Variants in TMPO observed in about 807,000 individuals in gnomAD.
TMPO encodes LEM domain containing 4.
TMPO carries 22 observed loss-of-function variants against 45.4 expected under a neutral mutation model. That is an observed-to-expected ratio of 0.48 (90% CI 0.35 to 0.69). The LOEUF (loss-of-function observed/expected upper bound fraction) is 0.69, where lower values mean the gene tolerates loss of function less well. Ranked by LOEUF, TMPO falls within the 30% of genes least tolerant of loss-of-function variation. The probability of loss-of-function intolerance (pLI) is 0.01; values close to 1 mark genes in which losing one functional copy is unlikely to be tolerated. For synonymous variants in TMPO, 241 were observed against 204.1 expected (o/e 1.18, Z -1.54); for missense variants, 512 against 548.8 (o/e 0.93, Z 0.67).
In TMPO at chr12:98,544,450, T is replaced by C. The variant is rs568093425; in HGVS notation, c.792T>C (p.Thr264=). Residue 264 remains threonine, a synonymous_variant, in exon 6 of 9, where the codon ACT becomes ACC. Transcript: ENST00000556029. ...TGTTTTCAAACTAACAGGTGGAAAC[T>C]TCAGAACATTTTCGTATAGATGGTC... The part of the protein sequence containing the change: ...SRRTPRKRVE[T]SEHFRIDGPV... The C allele has an allele frequency of 3.0e-5, 49 of 1,613,898 alleles. 2 individuals carry two copies. In the South Asian group the frequency reaches 5.3e-4, roughly 17 times the overall value.
At chr12:98,528,586 G>A (rs367631273) in intron 2 of TMPO, among the ~76,000 whole-genome samples, 3 of 151,602 alleles carry the variant, frequency 2.0e-5, no homozygotes, top group African/African-American at 4.8e-5. Flanking sequence ...CACTTATATC[G>A]TACTTCTGCT....
intron 4 of TMPO, among the ~76,000 whole-genome samples, chr12:98,540,440 G>A (rs1432218041): frequency 1.3e-5 from 2 of 152,192 alleles, no homozygotes; most frequent in Non-Finnish European, 2.9e-5. Context: ...CAAGGTTGGT[G>A]TGATCTCAGC....
intron 8 of TMPO, among the ~76,000 whole-genome samples, chr12:98,547,365 A>G (rs1351852524): frequency 6.6e-6 from 1 of 152,182 alleles, no homozygotes; most frequent in Admixed American, 6.5e-5. Flanking sequence ...GCGAGCCACC[A>G]TGCCCAGCCC....
chr12:98,524,325 G>T (rs1290992049), intron 1 of TMPO, among the ~76,000 whole-genome samples: 3 of 152,178 alleles, frequency 2.0e-5, no homozygotes, highest in Admixed American at 6.5e-5. Context: ...TGTAATCCCA[G>T]CACTTTGGAA....
At chr12:98,525,310 A>AT (rs1267686482) in intron 1 of TMPO, among the ~76,000 whole-genome samples, 3 of 152,210 alleles carry the variant, frequency 2.0e-5, no homozygotes, top group African/African-American at 7.2e-5. Flanking sequence ...ACAGCCGTCT[A>AT]TTTAAGATTT....
At chr12:98,539,127 G>T (rs1877748917) in intron 4 of TMPO, among the ~76,000 whole-genome samples, 1 of 152,068 alleles carries the variant, frequency 6.6e-6, no homozygotes, top group Non-Finnish European at 1.5e-5. Flanking sequence ...TTGAACCTTG[G>T]AGGCGGAGGT....
At chr12:98,531,384 G>GT (rs1240178083) in intron 2 of TMPO, among the ~76,000 whole-genome samples, 1 of 151,672 alleles carries the variant, frequency 6.6e-6, no homozygotes, top group Non-Finnish European at 1.5e-5. Flanking sequence ...TCACAGGCGT[G>GT]TGCCACCATG....
intron 8 of TMPO, 116 bp downstream of exon 8, chr12:98,546,563 C>T (rs953110429): frequency 2.4e-5 from 20 of 827,926 alleles, no homozygotes; most frequent in Non-Finnish European, 3.7e-5. Flanking sequence ...TTTTTGGAGC[C>T]AGGTACAATG....
chr12:98,535,123 T>G (rs376889618), intron 3 of TMPO: 15 of 984,874 alleles, frequency 1.5e-5, no homozygotes, highest in East Asian at 2.3e-4. Context: ...GAGAAACACT[T>G]CTTTGGATAA....
At chr12:98,543,961 A>C (rs560507892) in intron 4 of TMPO, among the ~76,000 whole-genome samples, 1 of 152,332 alleles carries the variant, frequency 6.6e-6, no homozygotes, top group East Asian at 1.9e-4. Flanking sequence ...AACTGGTGAT[A>C]GTTGATGTGC....
chr12:98,531,713 T>G lies in TMPO; in HGVS notation c.440T>G (p.Leu147Trp), dbSNP rs1877204752. 1.2e-6 allele frequency: 2 copies of G among 1,613,142 alleles called. No homozygotes were observed. The highest frequency in any genetic ancestry group is 4.5e-5 in the East Asian group (2 of 44,812). Residue 147 changes from leucine to tryptophan, a missense_variant, in exon 3 of 9, where the codon TTG becomes TGG. Coordinates refer to ENST00000556029, the MANE Select transcript of TMPO (RefSeq NM_001032283.3). ...TTRKLYEKKL[L>W]KLREQGTESR... is the part of the protein sequence containing the mutation. Reference sequence around the variant, plus strand: ...AGGAAGCTATATGAGAAAAAGCTTTTGAAACTGAGGGAACAAGGAACAGAA... The same window carrying G: ...AGGAAGCTATATGAGAAAAAGCTTTGGAAACTGAGGGAACAAGGAACAGAA...
chr12:98,519,564 C>A (rs1381419833), intron 1 of TMPO, among the ~76,000 whole-genome samples: 3 of 151,880 alleles, frequency 2.0e-5, no homozygotes, highest in Non-Finnish European at 2.9e-5. Flanking sequence ...CTTTACGTTT[C>A]ATTTAATTAT....
At chr12:98,520,930 G>C (rs1031652262) in intron 1 of TMPO, among the ~76,000 whole-genome samples, 15 of 151,772 alleles carry the variant, frequency 9.9e-5, no homozygotes, top group Non-Finnish European at 1.3e-4. Context: ...GTGGTAAAAA[G>C]GAATAAAAGA....
intron 1 of TMPO, among the ~76,000 whole-genome samples, chr12:98,516,732 T>G (rs1226375980): frequency 6.6e-6 from 1 of 152,250 alleles, no homozygotes; most frequent in Non-Finnish European, 1.5e-5. Context: ...GGCCATCTTT[T>G]GGCGGAACAG....
rs397516494 is a variant in TMPO at position 98,515,944 on chromosome 12, C to T, written c.77C>T (p.Thr26Met). ...AGTGAGTTGGTCGCCAACAATGTGACGCTGCCGGCCGGGGAGCAGCGCAAA... is the reference window on the plus strand; with the variant it reads ...AGTGAGTTGGTCGCCAACAATGTGATGCTGCCGGCCGGGGAGCAGCGCAAA... ...LKSELVANNV[T>M]LPAGEQRKDV... The change falls in exon 1 of 9, where the codon ACG becomes ATG. Residue 26 changes from threonine to methionine, a missense_variant. This residue lies in a region of TMPO where 299 missense variants were observed against 296.7 expected (regional missense o/e 1.01). Transcript: ENST00000556029. 1 of 1,613,560 alleles carries T rather than the reference C, an allele frequency of 6.2e-7. No individual in the cohort carries two copies. The highest frequency in any genetic ancestry group is 1.1e-5 in the South Asian group (1 of 91,088).
intron 6 of TMPO, 42 bp from the exon 7 acceptor site, chr12:98,544,909 T>G: frequency 7.3e-7 from 1 of 1,368,276 alleles, no homozygotes; most frequent in Non-Finnish European, 1.0e-6. Context: ...GTCTGTGTTA[T>G]GTTTGGATAA....
At chr12:98,527,579 T>C (rs898272008) in intron 1 of TMPO, 1 of 247,514 alleles carries the variant, frequency 4.0e-6, no homozygotes, top group South Asian at 6.1e-5. Context: ...AAGTCAGTTT[T>C]ACTTTTAGTT....
intron 2 of TMPO, 132 bp downstream of exon 2, chr12:98,528,144 G>GT: frequency 1.0e-6 from 1 of 989,408 alleles, no homozygotes; most frequent in South Asian, 1.4e-5. Flanking sequence ...AGCAGAACCT[G>GT]TGTTTCTTTG....
chr12:98,547,370 C>T (rs1356788028), intron 8 of TMPO, among the ~76,000 whole-genome samples: 1 of 152,166 alleles, frequency 6.6e-6, no homozygotes, highest in Non-Finnish European at 1.5e-5. Flanking sequence ...CCACCATGCC[C>T]AGCCCATCTA....
Sources: allele counts gnomAD v4.1 joint callset (sites outside exome capture counted in the v4.1 genomes callset), GRCh38; gene constraint gnomAD v4.1.1; regional missense constraint gnomAD v4.1.1; transcripts MANE v1.5; gene names NCBI Gene and HGNC (gene_info 2026-07-23, HGNC 2026-07-21).